The following RAB6B variants were observed in gnomAD, a reference collection of about 807,000 sequenced individuals.
RAB6B encodes the protein RAB6B, member RAS oncogene family.
Under a neutral mutation model 31.2 loss-of-function variants are expected in RAB6B, and 7 were observed. The ratio of observed to expected loss-of-function variants is 0.22; its 90% CI spans 0.13 to 0.42. The LOEUF is 0.42. Among genes scored for constraint, RAB6B ranks in the 10% least tolerant of loss-of-function variants. The pLI, the probability that RAB6B is intolerant of heterozygous loss-of-function variation, is 1.00. For missense variants in RAB6B, 149 were observed against 280.6 expected, an observed-to-expected ratio of 0.53 and a Z score of 3.35; for synonymous variants, 105 against 104.9, an observed-to-expected ratio of 1.00 and a Z score of -0.01.
chr3:133,859,553 G>C (rs78997892), intron 2 of RAB6B, among the ~76,000 whole-genome samples: 1 of 152,206 alleles, frequency 6.6e-6, no homozygotes, highest in Non-Finnish European at 1.5e-5. Flanking sequence ...AGCAAAGGCA[G>C]TGCGAGGGCT....
At chr3:133,860,901 G>A (rs185987896) in intron 2 of RAB6B, among the ~76,000 whole-genome samples, 2 of 152,192 alleles carry the variant, frequency 1.3e-5, no homozygotes, top group Admixed American at 1.3e-4. Flanking sequence ...AATCACTGCT[G>A]AGGCTTTAAG....
intron 7 of RAB6B, among the ~76,000 whole-genome samples, chr3:133,833,417 G>A (rs1040301935): frequency 3.9e-5 from 6 of 152,042 alleles, no homozygotes; most frequent in African/African-American, 1.4e-4. Context: ...CTGCTCCTTG[G>A]TGAGCCTTCC....
Position 133,839,538 on chromosome 3 carries a change from C to G in RAB6B, c.369G>C (p.Leu123=). Residue 123 remains leucine (L), a synonymous_variant, in exon 5 of 8, where the codon CTG becomes CTC. Transcript: ENST00000285208. Reference sequence around the variant, plus strand: ...CAGCCAGGTCCGTCTTGTTGCCCACCAGCATGATGATAACATCACTGCCCC... The same window carrying G: ...CAGCCAGGTCCGTCTTGTTGCCCACGAGCATGATGATAACATCACTGCCCC... ...TERGSDVIIM[L]VGNKTDLADK... is the part of the protein sequence containing the mutation. 6.2e-7 allele frequency: 1 copy of G among 1,614,228 alleles called. No homozygotes were observed. The highest frequency in any genetic ancestry group is 1.1e-5 in the South Asian group (1 of 91,086).
chr3:133,845,184 A>G (rs1935890866), intron 2 of RAB6B, among the ~76,000 whole-genome samples: 1 of 152,224 alleles, frequency 6.6e-6, no homozygotes, highest in African/African-American at 2.4e-5. Flanking sequence ...AAATAAATCT[A>G]TCGCTGTGGT....
intron 2 of RAB6B, among the ~76,000 whole-genome samples, chr3:133,856,776 G>A (rs1332916033): frequency 6.6e-6 from 1 of 152,020 alleles, no homozygotes; most frequent in Non-Finnish European, 1.5e-5. Context: ...TCTTCTGCCG[G>A]GTCAATGTTC....
At chr3:133,880,090 T>C (rs1481323312) in intron 1 of RAB6B, among the ~76,000 whole-genome samples, 1 of 152,168 alleles carries the variant, frequency 6.6e-6, no homozygotes, top group African/African-American at 2.4e-5. Context: ...GTATGCATAG[T>C]TGTAGAGAAG....
chr3:133,869,481 C>T (rs7609588), intron 1 of RAB6B, among the ~76,000 whole-genome samples: 3,009 of 152,338 alleles, frequency 0.02, 45 homozygotes, highest in Non-Finnish European at 0.032. Flanking sequence ...CGCCCAAGGG[C>T]AGTGGGAGCT....
Position 133,895,601 on chromosome 3 carries a change from A to C in RAB6B, c.-135T>G. Reference sequence around the variant, plus strand: ...GAAGGGCTGGCTGCGCGCGTCCCTGACTCCCCAGCTGCGTCCCGGTCCCGG... The same window carrying C: ...GAAGGGCTGGCTGCGCGCGTCCCTGCCTCCCCAGCTGCGTCCCGGTCCCGG... On this transcript the variant is annotated 5_prime_UTR_variant, in exon 1 of 8. Coordinates refer to ENST00000285208, the MANE Select transcript of RAB6B (RefSeq NM_016577.4). 1.2e-6 allele frequency: 1 copy of C among 814,848 alleles called. No homozygotes were observed. The allele number at this position is 814,848 out of a possible 1,614,324, so 50.5% of individuals were successfully genotyped here.
intron 1 of RAB6B, among the ~76,000 whole-genome samples, chr3:133,886,649 A>G (rs550918792): frequency 6.6e-6 from 1 of 152,262 alleles, no homozygotes; most frequent in Non-Finnish European, 1.5e-5. Context: ...CGCTTTCTTT[A>G]TAAAATGGGA....
At chr3:133,887,356 T>C (rs1420688456) in intron 1 of RAB6B, among the ~76,000 whole-genome samples, 1 of 152,160 alleles carries the variant, frequency 6.6e-6, no homozygotes, top group African/African-American at 2.4e-5. Flanking sequence ...CAGGGAGGGT[T>C]GCACTCAGGT....
rs1443563353 is a variant in RAB6B at position 133,841,741 on chromosome 3, T to C, written c.130-78A>G. ...GCAAAAGCCTAGCGACCACAGGTGG[T>C]GGCATAACCAGCAAGAGGGGACGCT... On this transcript the variant is annotated intron_variant, in intron 2 of 7. Coordinates refer to ENST00000285208, the MANE Select transcript of RAB6B (RefSeq NM_016577.4). 8.9e-6 allele frequency: 13 copies of C among 1,465,378 alleles called. No individual in the cohort carries two copies. The African/African-American group carries it at 1.4e-4, about 16-fold the overall frequency. 90.8% of individuals were successfully genotyped at this position (1,465,378 alleles called of 1,614,324 possible).
chr3:133,871,379 G>A (rs1437247120), intron 1 of RAB6B, among the ~76,000 whole-genome samples: 1 of 152,246 alleles, frequency 6.6e-6, no homozygotes, highest in Non-Finnish European at 1.5e-5. Context: ...TGATGGAGAT[G>A]AGGGGGTCAC....
rs142168011 is a variant in RAB6B at position 133,829,941 on chromosome 3, C to T, written c.563-1089G>A. 2.8e-3 allele frequency among the ~76,000 whole-genome samples: 398 copies of T among 140,486 alleles called. 2 individuals are homozygous for T. The highest frequency in any genetic ancestry group is 9.2e-3 in the African/African-American group (377 of 40,820). The allele number at this position is 140,486 out of a possible 152,430, so 92.2% of individuals were successfully genotyped here. A position where few individuals can be genotyped will look rare whatever the true frequency, so the allele number is the denominator to read the frequency against. On this transcript the variant is annotated intron_variant, in intron 7 of 7. Coordinates refer to ENST00000285208, the MANE Select transcript of RAB6B (RefSeq NM_016577.4). ...CCATGTGTGTGTGTACACACATACA[C>T]ATACAACTTTATCTTGTGTGTATGT...
At chr3:133,884,684 C>G (rs1460778386) in intron 1 of RAB6B, among the ~76,000 whole-genome samples, 1 of 151,958 alleles carries the variant, frequency 6.6e-6, no homozygotes, top group African/African-American at 2.4e-5. Flanking sequence ...GACCAGAGGA[C>G]GGGGGTGCTC....
At chr3:133,883,216 T>A (rs1241596643) in intron 1 of RAB6B, among the ~76,000 whole-genome samples, 1 of 152,166 alleles carries the variant, frequency 6.6e-6, no homozygotes, top group African/African-American at 2.4e-5. Flanking sequence ...AGTCTGCTCC[T>A]CAAAGCCAGT....
At chr3:133,892,120 T>C (rs1159773049) in intron 1 of RAB6B, among the ~76,000 whole-genome samples, 2 of 152,082 alleles carry the variant, frequency 1.3e-5, no homozygotes, top group Admixed American at 1.3e-4. Context: ...CTGCTCCTGC[T>C]TGTCTTCTCG....
chr3:133,869,855 C>T (rs1311480142), intron 1 of RAB6B, among the ~76,000 whole-genome samples: 3 of 152,146 alleles, frequency 2.0e-5, no homozygotes, highest in African/African-American at 4.8e-5. Flanking sequence ...TGACTCCAGC[C>T]GGCAGACTTC....
At chr3:133,885,405 C>A in intron 1 of RAB6B, 1 of 696,330 alleles carries the variant, frequency 1.4e-6, no homozygotes, top group Admixed American at 2.0e-5. Context: ...ATGGGCTGCT[C>A]ACACACTAAT....
rs1043147 is a variant in RAB6B at position 133,826,154 on chromosome 3, A to G, written c.*2634T>C. 0.25 allele frequency: 38,497 copies of G among 152,150 alleles called. 5,158 individuals are homozygous for G. Among genetic ancestry groups the G allele is most frequent in the East Asian group, 0.4 (2,092 of 5,168 alleles). 9.4% of individuals were successfully genotyped at this position (152,150 alleles called of 1,614,324 possible). ...GTGCCGAAGGGAGCGCCATGGAACC[A>G]CTGAGATGGGAGGATGGGAGGAAGC... is the stretch of plus-strand genomic sequence containing the variant. On this transcript the variant is annotated 3_prime_UTR_variant, in exon 8 of 8. Transcript: ENST00000285208.
Sources: allele counts gnomAD v4.1 joint callset (sites outside exome capture counted in the v4.1 genomes callset), GRCh38; gene constraint gnomAD v4.1.1; transcripts MANE v1.5; gene names NCBI Gene and HGNC (gene_info 2026-07-23, HGNC 2026-07-21).